METTL9: variants seen among roughly 807,000 people sequenced by gnomAD.
METTL9 encodes the protein methyltransferase 9, His-X-His N1(pi)-histidine, also known as protein-L-histidine N-pros-methyltransferase.
A neutral mutation model predicts 36.0 loss-of-function variants in METTL9; 10 were observed. The observed-to-expected ratio is 0.28, with a 90% CI of 0.17 to 0.47. The LOEUF (loss-of-function observed/expected upper bound fraction) is 0.47. Among genes scored for constraint, METTL9 ranks in the 20% least tolerant of loss-of-function variants. METTL9 has a pLI of 0.99. For synonymous variants in METTL9, 175 were observed against 149.7 expected (o/e 1.17, Z -1.23); for missense variants, 246 against 383.5 (o/e 0.64, Z 3.00).
chr16:21,617,233 A>G (rs2152894522), intron 2 of METTL9, among the ~76,000 whole-genome samples: 1 of 151,870 alleles, frequency 6.6e-6, no homozygotes, highest in East Asian at 1.9e-4. Flanking sequence ...CCTGGCTAAC[A>G]TGGTGAAACC....
intron 4 of METTL9, among the ~76,000 whole-genome samples, chr16:21,645,720 C>T (rs913008111): frequency 6.6e-6 from 1 of 152,156 alleles, no homozygotes; most frequent in Admixed American, 6.5e-5. Context: ...AGCCATTTTT[C>T]CCTTTGACTA....
chr16:21,605,307 T>G (rs959300971), intron 1 of METTL9, among the ~76,000 whole-genome samples: 2 of 129,414 alleles, frequency 1.5e-5, no homozygotes, highest in African/African-American at 5.9e-5. Flanking sequence ...GAGAAACAAG[T>G]TCTTACTCTG....
At chr16:21,630,646 T>C (rs984595607) in intron 4 of METTL9, among the ~76,000 whole-genome samples, 1 of 152,168 alleles carries the variant, frequency 6.6e-6, no homozygotes, top group African/African-American at 2.4e-5. Context: ...TTTAGGCCAG[T>C]GGAAGGGCCA....
intron 4 of METTL9, among the ~76,000 whole-genome samples, chr16:21,628,371 C>A (rs1965860782): frequency 6.6e-6 from 1 of 152,184 alleles, no homozygotes; most frequent in Non-Finnish European, 1.5e-5. Flanking sequence ...CTGGTAGTTA[C>A]ACATTTACCA....
At chr16:21,612,957 C>G in intron 2 of METTL9, 122 bp downstream of exon 2, 1 of 867,082 alleles carries the variant, frequency 1.2e-6, no homozygotes, top group Non-Finnish European at 1.7e-6. Flanking sequence ...TTCTACTAGT[C>G]AGAACCTTGG....
chr16:21,612,857 AT>A (rs765180518), intron 2 of METTL9, 22 bp downstream of exon 2: 2 of 1,546,038 alleles, frequency 1.3e-6, no homozygotes, highest in South Asian at 1.2e-5. Context: ...TTGGACATTT[AT>A]TTTTTTCTTT....
chr16:21,599,521 G>C, upstream of METTL9: 1 of 1,262,196 alleles, frequency 7.9e-7, no homozygotes, highest in Non-Finnish European at 1.0e-6. The surrounding 1 kb of genome is among the most constrained non-coding windows in gnomAD (Gnocchi z 4.4). Context: ...AGGGGGCAGC[G>C]GCGTTCCGCG....
At chr16:21,613,677 A>G (rs1339317422) in intron 2 of METTL9, among the ~76,000 whole-genome samples, 1 of 152,172 alleles carries the variant, frequency 6.6e-6, no homozygotes, top group African/African-American at 2.4e-5. Flanking sequence ...AGTCAGCCCA[A>G]CAGTGGATGA....
At chr16:21,618,599 A>G (rs1308950866) in intron 3 of METTL9, among the ~76,000 whole-genome samples, 1 of 152,156 alleles carries the variant, frequency 6.6e-6, no homozygotes, top group Non-Finnish European at 1.5e-5. Flanking sequence ...TATTCTGGGT[A>G]TTTCGTATAA....
intron 1 of METTL9, among the ~76,000 whole-genome samples, chr16:21,600,131 T>C (rs1370187495): frequency 5.3e-5 from 8 of 152,076 alleles, no homozygotes; most frequent in Non-Finnish European, 1.0e-4. Context: ...AGGCGGGGCA[T>C]GGCCTCCCGG....
chr16:21,623,681 G>A (rs566056432), intron 3 of METTL9, among the ~76,000 whole-genome samples: 1 of 152,318 alleles, frequency 6.6e-6, no homozygotes, highest in South Asian at 2.1e-4. Flanking sequence ...ATGAAAGTGA[G>A]AGATTGAGGA....
Position 21,599,637 on chromosome 16 carries a change from C to T in METTL9, c.-97C>T. Reference sequence around the variant, plus strand: ...GATGGGCAAGGCGGCCGCGATGGCTCGAGCTCGGGCGGTGGCGGCGGTGGC... The same window carrying T: ...GATGGGCAAGGCGGCCGCGATGGCTTGAGCTCGGGCGGTGGCGGCGGTGGC... On this transcript the variant is annotated 5_prime_UTR_variant, in exon 1 of 5. The change creates a premature stop within an existing upstream ORF in the 5' untranslated region. Transcript: ENST00000358154. This position sits in a 1 kb window ranked among gnomAD's most constrained non-coding sequence, Gnocchi z 4.4. 6 of 1,339,262 alleles carry T rather than the reference C, an allele frequency of 4.5e-6. No individual in the cohort carries two copies. Among genetic ancestry groups the T allele is most frequent in the Non-Finnish European group, 4.7e-6 (5 of 1,054,234 alleles). The allele number at this position is 1,339,262 out of a possible 1,614,324, so 83.0% of individuals were successfully genotyped here.
intron 2 of METTL9, among the ~76,000 whole-genome samples, chr16:21,613,270 G>A (rs7359400): frequency 2.8e-5 from 4 of 140,808 alleles, no homozygotes; most frequent in East Asian, 4.3e-4. Context: ...TGCAGCCTCC[G>A]CCTCCCGGGT....
intron 4 of METTL9, chr16:21,644,234 TC>T (rs1233618690): frequency 8.2e-7 from 1 of 1,221,764 alleles, no homozygotes; most frequent in Non-Finnish European, 1.2e-6. Context: ...AAATTATTTT[TC>T]TTTTGATAAT....
chr16:21,626,921 G>T (rs559310511), intron 4 of METTL9: 2 of 977,818 alleles, frequency 2.0e-6, no homozygotes, highest in East Asian at 2.3e-4. Flanking sequence ...TTATTTCCTT[G>T]TGTTTCTGAT....
chr16:21,630,240 A>T (rs1048975268), intron 4 of METTL9, among the ~76,000 whole-genome samples: 4 of 152,210 alleles, frequency 2.6e-5, no homozygotes, highest in Admixed American at 6.5e-5. Flanking sequence ...CCCCCGATCA[A>T]GCCCAGCAGG....
At chr16:21,606,905 C>T (rs1281258255) in intron 1 of METTL9, among the ~76,000 whole-genome samples, 1 of 150,960 alleles carries the variant, frequency 6.6e-6, no homozygotes, top group African/African-American at 2.4e-5. Context: ...TGTTGTATAT[C>T]ACATGTTTGA....
intron 4 of METTL9, among the ~76,000 whole-genome samples, chr16:21,637,681 A>G (rs1597775151): frequency 6.6e-6 from 1 of 152,224 alleles, no homozygotes; most frequent in Non-Finnish European, 1.5e-5. Context: ...GAGCCCGTAC[A>G]CACCCGGAAC....
At chr16:21,643,361 T>C (rs1966328770) in intron 4 of METTL9, among the ~76,000 whole-genome samples, 1 of 152,172 alleles carries the variant, frequency 6.6e-6, no homozygotes, top group Admixed American at 6.5e-5. Context: ...AAGTCACAGT[T>C]TACCCCTTGA....
Sources: gnomAD v4.1 joint callset for allele counts (sites outside exome capture counted in the v4.1 genomes callset) on GRCh38, gnomAD v4.1.1 for gene constraint, Gnocchi (gnomAD v3.1) non-coding constraint, MANE v1.5 for transcripts, NCBI Gene and HGNC (gene_info 2026-07-23, HGNC 2026-07-21) for gene names.